Variants in CCSER1 observed in about 807,000 individuals in gnomAD.
The protein encoded by CCSER1 is coiled-coil serine rich protein 1.
A neutral mutation model predicts 82.0 loss-of-function variants in CCSER1; 41 were observed. The observed-to-expected ratio is 0.50, with a 90% CI of 0.39 to 0.65. The LOEUF is 0.65. Among genes scored for constraint, CCSER1 ranks in the 30% least tolerant of loss-of-function variants. The pLI, the probability that CCSER1 is intolerant of heterozygous loss-of-function variation, is 0.00. For missense variants in CCSER1, 1,119 were observed against 1,064.2 expected, an observed-to-expected ratio of 1.05 and a Z score of -0.72; for synonymous variants, 414 against 383.9, an observed-to-expected ratio of 1.08 and a Z score of -0.92.
At chr4:91,059,006 TCTA>T (rs1274070842) in intron 9 of CCSER1, among the ~76,000 whole-genome samples, 1 of 151,986 alleles carries the variant, frequency 6.6e-6, no homozygotes, top group Non-Finnish European at 1.5e-5. Flanking sequence ...AGATACCAAA[TCTA>T]TTTCCCACGC....
At chr4:91,176,581 A>G (rs1358358538) in intron 10 of CCSER1, among the ~76,000 whole-genome samples, 2 of 152,100 alleles carry the variant, frequency 1.3e-5, no homozygotes, top group Non-Finnish European at 2.9e-5. Flanking sequence ...CTTTGAAGCA[A>G]TTGTGAAAGG....
At chr4:91,380,846 G>C (rs560127028) in intron 10 of CCSER1, among the ~76,000 whole-genome samples, 1 of 152,304 alleles carries the variant, frequency 6.6e-6, no homozygotes, top group Non-Finnish European at 1.5e-5. Context: ...CAGCATGAAT[G>C]TTCTTTACAA....
At chr4:91,093,739 T>C (rs933109157) in intron 10 of CCSER1, among the ~76,000 whole-genome samples, 3 of 152,232 alleles carry the variant, frequency 2.0e-5, no homozygotes, top group Non-Finnish European at 4.4e-5. Flanking sequence ...TTGTCAAATC[T>C]GGTAGTCCTA....
rs1195051908 is a variant in CCSER1 at position 90,749,047 on chromosome 4, T to A, written c.2010+25056T>A. 3.3e-5 allele frequency among the ~76,000 whole-genome samples: 5 copies of A among 151,986 alleles called. No individual in the cohort carries two copies. In the East Asian group the frequency reaches 9.7e-4, roughly 30 times the overall value. ...GCAGAAGCTCTTTAGTTTAATTAGATCCCATTTGTCAATTTTGGCTTTTGT... is the reference window on the plus strand; with the variant it reads ...GCAGAAGCTCTTTAGTTTAATTAGAACCCATTTGTCAATTTTGGCTTTTGT... On this transcript the variant is annotated intron_variant, in intron 7 of 10. Transcript: ENST00000509176.
intron 10 of CCSER1, among the ~76,000 whole-genome samples, chr4:91,468,639 G>T (rs1045685506): frequency 5.3e-5 from 8 of 151,740 alleles, no homozygotes; most frequent in African/African-American, 9.7e-5. Context: ...TGCAAATTTT[G>T]GTTGTATATG....
chr4:91,338,943 T>C (rs1468334811), intron 10 of CCSER1, among the ~76,000 whole-genome samples: 1 of 152,194 alleles, frequency 6.6e-6, no homozygotes, highest in Admixed American at 6.5e-5. Context: ...TGGCCAAAGA[T>C]ACTGCATTCA....
chr4:90,219,128 A>C (rs950954518), intron 1 of CCSER1, among the ~76,000 whole-genome samples: 2 of 152,306 alleles, frequency 1.3e-5, no homozygotes, highest in South Asian at 4.1e-4. Context: ...TGGGTTAGAA[A>C]TCATTTGAAT....
At chr4:90,394,731 T>A (rs1751712916) in intron 3 of CCSER1, among the ~76,000 whole-genome samples, 2 of 152,192 alleles carry the variant, frequency 1.3e-5, no homozygotes, top group African/African-American at 4.8e-5. Context: ...TTAACCACTT[T>A]AATGTTATTT....
chr4:91,180,448 T>G (rs1581722559), intron 10 of CCSER1, among the ~76,000 whole-genome samples: 1 of 152,254 alleles, frequency 6.6e-6, no homozygotes, highest in Non-Finnish European at 1.5e-5. Context: ...TGAGCTGTGG[T>G]GGGCTCCACC....
chr4:90,681,898 T>C (rs977506088), intron 6 of CCSER1, among the ~76,000 whole-genome samples: 1 of 152,052 alleles, frequency 6.6e-6, no homozygotes, highest in Admixed American at 6.6e-5. Flanking sequence ...TTGGGAAATA[T>C]AACAAAAGGA....
intron 9 of CCSER1, among the ~76,000 whole-genome samples, chr4:91,048,923 A>T (rs1742755217): frequency 6.6e-6 from 1 of 152,166 alleles, no homozygotes; most frequent in Admixed American, 6.5e-5. Flanking sequence ...ATGATCCATT[A>T]TTGGCATAAC....
intron 4 of CCSER1, among the ~76,000 whole-genome samples, chr4:90,445,037 T>G (rs1760451175): frequency 6.6e-6 from 1 of 150,500 alleles, no homozygotes; most frequent in Non-Finnish European, 1.5e-5. Context: ...TTCCCTCAAT[T>G]AAAAAAAAAC....
At chr4:90,471,132 T>C (rs1372437120) in intron 5 of CCSER1, among the ~76,000 whole-genome samples, 2 of 152,236 alleles carry the variant, frequency 1.3e-5, no homozygotes, top group Non-Finnish European at 2.9e-5. Flanking sequence ...ATAATGCATG[T>C]ATCTTTATTT....
chr4:91,003,441 A>G (rs1040632088), intron 9 of CCSER1, among the ~76,000 whole-genome samples: 1 of 151,972 alleles, frequency 6.6e-6, no homozygotes, highest in African/African-American at 2.4e-5. Flanking sequence ...GGTCAATGGA[A>G]TTATGTTCCT....
intron 3 of CCSER1, among the ~76,000 whole-genome samples, chr4:90,386,632 A>C (rs545392253): frequency 1.3e-4 from 20 of 152,344 alleles, no homozygotes; most frequent in African/African-American, 4.3e-4. Flanking sequence ...AAGCAAATAA[A>C]AATAAATAAG....
In CCSER1 at chr4:90,302,266, G is replaced by A. The variant is rs532945542; in HGVS notation, c.-41-5978G>A. On this transcript the variant is annotated intron_variant, in intron 1 of 10. Coordinates refer to ENST00000509176, the MANE Select transcript of CCSER1 (RefSeq NM_001145065.2). ...AGCTTAAGACAAAATAGTAAATTGA[G>A]ATAAATATACAGATGCTTACTATGT... 3.4e-3 allele frequency among the ~76,000 whole-genome samples: 511 copies of A among 152,288 alleles called. 7 individuals are homozygous for A. Among genetic ancestry groups the A allele is most frequent in the African/African-American group, 0.012 (495 of 41,568 alleles).
At chr4:90,608,098 T>A (rs1417108628) in intron 5 of CCSER1, among the ~76,000 whole-genome samples, 4 of 152,194 alleles carry the variant, frequency 2.6e-5, no homozygotes, top group Non-Finnish European at 5.9e-5. Flanking sequence ...TATTTAGGGA[T>A]CTTAATAAAT....
intron 6 of CCSER1, among the ~76,000 whole-genome samples, chr4:90,660,847 G>T (rs541262685): frequency 6.6e-6 from 1 of 152,072 alleles, no homozygotes. Flanking sequence ...GATGGATTTC[G>T]CAATCTTAGA....
intron 10 of CCSER1, among the ~76,000 whole-genome samples, chr4:91,481,953 G>A (rs1381395991): frequency 6.6e-6 from 1 of 152,062 alleles, no homozygotes; most frequent in Non-Finnish European, 1.5e-5. Context: ...ATCAAAAAGT[G>A]GGTGAAGGAT....
Sources: gnomAD v4.1 joint callset for allele counts (sites outside exome capture counted in the v4.1 genomes callset) on GRCh38, gnomAD v4.1.1 for gene constraint, MANE v1.5 for transcripts, NCBI Gene and HGNC (gene_info 2026-07-23, HGNC 2026-07-21) for gene names.